Variants in UBAP2L observed in about 807,000 individuals in gnomAD.
UBAP2L encodes ubiquitin-associated protein 2-like.
A neutral mutation model predicts 130.6 loss-of-function variants in UBAP2L; 12 were observed. The ratio of observed to expected loss-of-function variants is 0.09; its 90% CI spans 0.06 to 0.15. UBAP2L has a LOEUF of 0.15. Ranked by LOEUF, UBAP2L falls within the 10% of genes least tolerant of loss-of-function variation. UBAP2L has a pLI of 1.00. For missense variants in UBAP2L, 965 were observed against 1,332.5 expected (o/e 0.72, Z 4.29); for synonymous variants, 503 against 524.7 (o/e 0.96, Z 0.57).
chr1:154,236,986 C>T (rs565567404), intron 7 of UBAP2L, 38 bp from the exon 8 acceptor site: 1 of 1,527,840 alleles, frequency 6.5e-7, no homozygotes, highest in African/African-American at 1.4e-5. Context: ...GCCAAAGCTG[C>T]TTAGAGGTCA....
At position 154,270,847 on chromosome 1, in the gene UBAP2L, A is replaced by G. The variant is rs1466284824; in HGVS notation, c.*552A>G. 1.3e-6 allele frequency: 2 copies of G among 1,527,932 alleles called. No individual in the cohort carries two copies. The highest frequency in any genetic ancestry group is 2.9e-5 in the African/African-American group (2 of 68,810). 94.6% of individuals were successfully genotyped at this position (1,527,932 alleles called of 1,614,324 possible). A position where few individuals can be genotyped will look rare whatever the true frequency, so the allele number is the denominator to read the frequency against. Reference sequence around the variant, plus strand: ...TTGTATATATAAAAAGAAAACCTCTACCTTCAGCCTCTGCCTATTCTTGCT... The same window carrying G: ...TTGTATATATAAAAAGAAAACCTCTGCCTTCAGCCTCTGCCTATTCTTGCT... On this transcript the variant is annotated 3_prime_UTR_variant, in exon 27 of 27. Coordinates refer to ENST00000428931, the MANE Select transcript of UBAP2L (RefSeq NM_014847.4).
At chr1:154,241,462 T>A (rs765278867) in intron 8 of UBAP2L, 51 bp from the exon 9 acceptor site, 31 of 1,569,874 alleles carry the variant, frequency 2.0e-5, no homozygotes, top group Non-Finnish European at 2.4e-5. Context: ...ATACATGCTT[T>A]GTACTGGCAT....
Position 154,270,369 on chromosome 1 carries a change from A to G in UBAP2L, c.*74A>G, listed in dbSNP as rs771404472. 7 of 1,597,978 alleles carry G rather than the reference A, an allele frequency of 4.4e-6. No individual in the cohort carries two copies. The highest frequency in any genetic ancestry group is 1.7e-4 in the Middle Eastern group (1 of 6,044). On this transcript the variant is annotated 3_prime_UTR_variant, in exon 27 of 27. Transcript: ENST00000428931. ...CCTGGAAACTATGGAAACAGCATCA[A>G]AGAGAAAGGAATGTGGGGGGTTTCC... is the stretch of plus-strand genomic sequence containing the variant.
chr1:154,236,924 A>T lies in UBAP2L; in HGVS notation c.591-100A>T, dbSNP rs1024310971. The T allele has an allele frequency of 3.2e-5, 29 of 903,306 alleles. 1 individual carries two copies. The highest frequency in any genetic ancestry group is 4.9e-5 in the Non-Finnish European group (28 of 571,796). 56.0% of individuals were successfully genotyped at this position (903,306 alleles called of 1,614,324 possible). ...GGATTATAGAATGGGGCCATGACAG[A>T]TTTGTACTAGGAAGGATGCAGTCAA... On this transcript the variant is annotated intron_variant, in intron 7 of 26. Transcript: ENST00000428931.
chr1:154,241,497 T>A lies in UBAP2L; in HGVS notation c.704-16T>A. On this transcript the variant is annotated splice_polypyrimidine_tract_variant and intron_variant, in intron 8 of 26. Transcript: ENST00000428931. The stretch of plus-strand genomic sequence containing the variant: ...TTTAATAGTGAAGTTACTTCACTAT[T>A]TTTCTTTATTCTCAGGTGCATGGAG... The A allele has an allele frequency of 6.2e-7, 1 of 1,613,256 alleles. No individual in the cohort carries two copies.
Position 154,260,040 on chromosome 1 carries a change from G to T in UBAP2L, c.2578+11G>T. 3 of 1,613,400 alleles carry T rather than the reference G, an allele frequency of 1.9e-6. No individual in the cohort carries two copies. The highest frequency in any genetic ancestry group is 1.3e-5 in the African/African-American group (1 of 75,032). On this transcript the variant is annotated intron_variant, in intron 22 of 26. Transcript: ENST00000428931. Reference sequence around the variant, plus strand: ...GCAACCCTTATTCTGGTAGGATTGGGATGGGACTAAATAAATAAAAAGGGA... The same window carrying T: ...GCAACCCTTATTCTGGTAGGATTGGTATGGGACTAAATAAATAAAAAGGGA...
Position 154,270,231 on chromosome 1 carries a change from C to G in UBAP2L, c.3200C>G (p.Ser1067Cys). 1.2e-6 allele frequency: 2 copies of G among 1,612,774 alleles called. No homozygotes were observed. The highest frequency in any genetic ancestry group is 2.7e-5 in the African/African-American group (2 of 75,024). Reference sequence around the variant, plus strand: ...AGCGGGCAACGTAGCCAGACCAGCTCCATCCCGCAGAAGCCCCAGACCAAC... The same window carrying G: ...AGCGGGCAACGTAGCCAGACCAGCTGCATCCCGCAGAAGCCCCAGACCAAC... ...TGSGQRSQTS[S>C]IPQKPQTNKS... Residue 1067 changes from serine to cysteine, a missense_variant, in exon 27 of 27, where the codon TCC becomes TGC. By Grantham distance (112) the Ser-to-Cys change is moderately radical (BLOSUM62 -1). Transcript: ENST00000428931.
Position 154,257,147 on chromosome 1 carries a change from C to G in UBAP2L, c.2242C>G (p.Pro748Ala), listed in dbSNP as rs188079310. The G allele has an allele frequency of 7.4e-5, 119 of 1,614,194 alleles. 1 individual carries two copies. The East Asian group carries it at 2.5e-3, about 34-fold the overall frequency. ...TTSSTVSAPPPVVSVSSSLNS... is the reference protein window; with the variant it reads ...TTSSTVSAPPAVVSVSSSLNS... ...ATCCAGCACAGTCTCTGCACCTCCC[C>G]CAGTGGTCAGTGTCTCCTCCAGTCT... The change falls in exon 19 of 27, where the codon CCA (proline) becomes GCA (alanine). Residue 748 changes from proline to alanine, a missense_variant. By Grantham distance (27) the Pro-to-Ala change is conservative (BLOSUM62 -1). Transcript: ENST00000428931.
chr1:154,260,944 A>G lies in UBAP2L; in HGVS notation c.2631A>G (p.Thr877=). Residue 877 remains threonine, a synonymous_variant, in exon 23 of 27, where the codon ACA becomes ACG. Coordinates refer to ENST00000428931, the MANE Select transcript of UBAP2L (RefSeq NM_014847.4). ...RGDASSPAPA[T]TLAQPQQNQT... ...ATGCCTCCTCCCCAGCCCCGGCCAC[A>G]ACCTTGGCCCAACCCCAACAGAACC... 1 of 1,614,172 alleles carries G rather than the reference A, an allele frequency of 6.2e-7. No individual in the cohort carries two copies. The highest frequency in any genetic ancestry group is 8.5e-7 in the Non-Finnish European group (1 of 1,180,024).
chr1:154,227,170 C>T lies in UBAP2L; in HGVS notation c.91-112C>T. ...CCTAAATGGTGCTTTATTACTTGCT[C>T]ATTTGTTACAAGGAAAAGAAAATTG... On this transcript the variant is annotated intron_variant, in intron 2 of 26. Coordinates refer to ENST00000428931, the MANE Select transcript of UBAP2L (RefSeq NM_014847.4). 3 of 872,072 alleles carry T rather than the reference C, an allele frequency of 3.4e-6. No homozygotes were observed. In the South Asian group the frequency reaches 4.2e-5, roughly 12 times the overall value. 54.0% of individuals were successfully genotyped at this position (872,072 alleles called of 1,614,324 possible).
chr1:154,226,472 C>T (rs1021139941), intron 2 of UBAP2L, among the ~76,000 whole-genome samples: 5 of 152,146 alleles, frequency 3.3e-5, no homozygotes, highest in East Asian at 1.9e-4. Context: ...ATCCCCCTTA[C>T]GCATTTTTCT....
chr1:154,251,000 A>C, intron 12 of UBAP2L, 41 bp from the exon 13 acceptor site: 1 of 1,567,338 alleles, frequency 6.4e-7, no homozygotes, highest in Admixed American at 1.8e-5. Context: ...CTTGAGATTC[A>C]TTAGCATCTC....
chr1:154,256,667 T>C (rs769208014), intron 18 of UBAP2L, among the ~76,000 whole-genome samples: 19 of 152,136 alleles, frequency 1.2e-4, no homozygotes, highest in African/African-American at 1.9e-4. Context: ...GAATTTTTGC[T>C]TTTTCCTAGT....
At chr1:154,269,051 C>A in intron 26 of UBAP2L, 97 bp downstream of exon 26, 1 of 1,409,388 alleles carries the variant, frequency 7.1e-7, no homozygotes. Flanking sequence ...TCACCACCAC[C>A]TTCACCCAAT....
intron 1 of UBAP2L, among the ~76,000 whole-genome samples, chr1:154,223,470 A>G (rs1042945424): frequency 2.0e-5 from 3 of 152,056 alleles, no homozygotes; most frequent in Non-Finnish European, 2.9e-5. Flanking sequence ...ATATATACGT[A>G]TATATGTGTA....
chr1:154,226,884 A>G (rs1175573367), intron 2 of UBAP2L, among the ~76,000 whole-genome samples: 1 of 152,006 alleles, frequency 6.6e-6, no homozygotes, highest in Non-Finnish European at 1.5e-5. Context: ...GTGCAGTGCC[A>G]CTATCTCAGT....
At chr1:154,261,725 G>A (rs750067080) in intron 24 of UBAP2L, 28 bp downstream of exon 24, 5 of 1,605,780 alleles carry the variant, frequency 3.1e-6, no homozygotes, top group East Asian at 2.2e-5. Flanking sequence ...CTGGCTCGGT[G>A]TTATCTGTGG....
chr1:154,259,132 C>T, intron 21 of UBAP2L, 102 bp downstream of exon 21: 1 of 1,037,498 alleles, frequency 9.6e-7, no homozygotes, highest in South Asian at 1.3e-5. Context: ...TCCCAGCCCT[C>T]CATACACTCT....
chr1:154,235,663 C>T (rs576185618), intron 6 of UBAP2L, among the ~76,000 whole-genome samples: 193 of 152,348 alleles, frequency 1.3e-3, no homozygotes, highest in African/African-American at 4.6e-3. Flanking sequence ...GCGTGCGTCA[C>T]TACGCCCAGC....
Sources: allele counts gnomAD v4.1 joint callset (sites outside exome capture counted in the v4.1 genomes callset), GRCh38; gene constraint gnomAD v4.1.1; transcripts MANE v1.5; gene names NCBI Gene and HGNC (gene_info 2026-07-23, HGNC 2026-07-21).